The following LRRK2 variants were observed in gnomAD, a reference collection of about 807,000 sequenced individuals.
LRRK2 encodes leucine rich repeat kinase 2.
A neutral mutation model predicts 302.6 loss-of-function variants in LRRK2; 203 were observed. The ratio of observed to expected loss-of-function variants is 0.67; its 90% CI spans 0.60 to 0.75. The LOEUF (loss-of-function observed/expected upper bound fraction) is 0.75. Among genes scored for constraint, LRRK2 ranks in the 30% least tolerant of loss-of-function variants. The probability of loss-of-function intolerance (pLI) is 0.00; values close to 1 mark genes in which losing one functional copy is unlikely to be tolerated. For synonymous variants in LRRK2, 1,066 were observed against 1,031.9 expected, an observed-to-expected ratio of 1.03 and a Z score of -0.63; for missense variants, 2,830 against 2,951.0, an observed-to-expected ratio of 0.96 and a Z score of 0.95.
intron 2 of LRRK2, among the ~76,000 whole-genome samples, chr12:40,226,175 C>T (rs1940870069): frequency 6.6e-6 from 1 of 152,126 alleles, no homozygotes. Context: ...ATGAGACCCT[C>T]ATAGTTTGCA....
rs1565727098 is a variant in LRRK2 at position 40,298,830 on chromosome 12, T to TG, written c.3348-279_3348-278insG. ...TGTATTATAATATATAATACATATA[T>TG]TATATATATTTATTATATATAATAC... is the stretch of plus-strand genomic sequence containing the variant. On this transcript the variant is annotated intron_variant, in intron 24 of 50. Transcript: ENST00000298910. Among the ~76,000 whole-genome samples, 84 of 115,740 alleles carry TG rather than the reference T, an allele frequency of 7.3e-4. 2 individuals carry two copies. The highest frequency in any genetic ancestry group is 4.3e-3 in the Middle Eastern group (1 of 230). 75.9% of individuals were successfully genotyped at this position (115,740 alleles called of 152,430 possible). A position where few individuals can be genotyped will look rare whatever the true frequency, so the allele number is the denominator to read the frequency against.
intron 48 of LRRK2, among the ~76,000 whole-genome samples, chr12:40,364,188 A>T (rs1946803136): frequency 6.6e-6 from 1 of 152,012 alleles, no homozygotes; most frequent in African/African-American, 2.4e-5. Context: ...AGAACATTTT[A>T]GATTACACAC....
chr12:40,362,705 G>C (rs367973091), intron 47 of LRRK2, among the ~76,000 whole-genome samples: 1 of 152,088 alleles, frequency 6.6e-6, no homozygotes, highest in South Asian at 2.1e-4. Flanking sequence ...CCAAGTAGGA[G>C]TTTGCCATGC....
chr12:40,290,159 C>T (rs966579211), intron 20 of LRRK2, among the ~76,000 whole-genome samples: 2 of 151,948 alleles, frequency 1.3e-5, no homozygotes, highest in African/African-American at 4.8e-5. Context: ...GAAAAATGCT[C>T]TTCAGCATCT....
At chr12:40,285,602 TC>T (rs1943891160) in intron 19 of LRRK2, among the ~76,000 whole-genome samples, 1 of 152,018 alleles carries the variant, frequency 6.6e-6, no homozygotes, top group Non-Finnish European at 1.5e-5. Flanking sequence ...ACAGACATTC[TC>T]AATGTGCACA....
In LRRK2 at chr12:40,277,966, G is replaced by A; in HGVS notation, c.2020G>A (p.Val674Ile). 6.2e-7 allele frequency: 1 copy of A among 1,613,236 alleles called. No homozygotes were observed. Among genetic ancestry groups the A allele is most frequent in the Non-Finnish European group, 8.5e-7 (1 of 1,179,804 alleles). Residue 674 changes from valine (V) to isoleucine (I), a missense_variant, in exon 17 of 51, where the codon GTA becomes ATA. Physicochemically the swap from Val to Ile is conservative, Grantham distance 29. Coordinates refer to ENST00000298910, the MANE Select transcript of LRRK2 (RefSeq NM_198578.4). ...KLLVHHSFDL[V>I]IFHQMSSNIM... Reference sequence around the variant, plus strand: ...GCTGGTGCATCATTCATTTGACTTAGTAATATTCCATCAAATGTCTTCCAA... The same window carrying A: ...GCTGGTGCATCATTCATTTGACTTAATAATATTCCATCAAATGTCTTCCAA...
intron 30 of LRRK2, among the ~76,000 whole-genome samples, chr12:40,310,212 T>C (rs1185744405): frequency 6.6e-6 from 1 of 151,990 alleles, no homozygotes; most frequent in East Asian, 1.9e-4. Flanking sequence ...GGTGAAGAAT[T>C]GGGTTAAGAA....
At chr12:40,263,636 C>A (rs958841438) in intron 13 of LRRK2, among the ~76,000 whole-genome samples, 153 bp from the exon 14 acceptor site, 1 of 151,992 alleles carries the variant, frequency 6.6e-6, no homozygotes, top group East Asian at 1.9e-4. Flanking sequence ...CTTAAAATTT[C>A]TGGTTATTTA....
At chr12:40,274,503 T>G in intron 14 of LRRK2, 80 bp from the exon 15 acceptor site, 1 of 1,411,932 alleles carries the variant, frequency 7.1e-7, no homozygotes, top group Non-Finnish European at 9.9e-7. Context: ...TTGATTTATA[T>G]TTTGTCAGTC....
intron 11 of LRRK2, among the ~76,000 whole-genome samples, chr12:40,255,159 C>T (rs748611179): frequency 6.6e-6 from 1 of 152,044 alleles, no homozygotes; most frequent in African/African-American, 2.4e-5. Flanking sequence ...AAATCCCAGG[C>T]TCATGGAGTT....
At chr12:40,319,704 T>C (rs1307518742) in intron 33 of LRRK2, among the ~76,000 whole-genome samples, 1 of 152,098 alleles carries the variant, frequency 6.6e-6, no homozygotes, top group Admixed American at 6.6e-5. Context: ...GATCTTTCCA[T>C]TGTAGCTAGG....
chr12:40,238,158 T>A (rs2136422636), intron 5 of LRRK2, 55 bp downstream of exon 5: 3 of 1,534,680 alleles, frequency 2.0e-6, no homozygotes, highest in Middle Eastern at 1.8e-4. Flanking sequence ...AGGCTTATAC[T>A]GGGAAAAGTA....
In LRRK2 at chr12:40,363,425, A is replaced by T; in HGVS notation, c.7052A>T (p.Asp2351Val). 6.2e-7 allele frequency: 1 copy of T among 1,611,756 alleles called. No individual in the cohort carries two copies. The highest frequency in any genetic ancestry group is 8.5e-7 in the Non-Finnish European group (1 of 1,178,556). ...SQLFSYAAFSDSNIITVVVDT... is the reference protein window; with the variant it reads ...SQLFSYAAFSVSNIITVVVDT... The stretch of plus-strand genomic sequence containing the variant: ...AGGTTTTCTTATGCAGCTTTCAGTG[A>T]TTCCAACATCATAACAGTGGTGGTA... Residue 2351 changes from aspartate to valine, a missense_variant, in exon 48 of 51, where the codon GAT becomes GTT. Physicochemically the swap from Asp to Val is radical, Grantham distance 152. Transcript: ENST00000298910.
intron 3 of LRRK2, 62 bp from the exon 4 acceptor site, chr12:40,235,564 A>G: frequency 8.7e-7 from 1 of 1,155,232 alleles, no homozygotes; most frequent in Admixed American, 1.7e-5. Flanking sequence ...AAAAAAATGC[A>G]AATAAGCAAA....
rs200300610 is a variant in LRRK2, at chr12:40,356,115, C to A, written c.6771C>A (p.Ser2257Arg). ...CLYCNSFSKQ[S>R]KQKNFLLVGT... ...ACAATTTCAACATTTTTCCTTTTAG[C>A]AAACAAAAAAATTTTCTTTTGGTTG... Residue 2257 changes from serine (S) to arginine (R), a missense_variant and splice_region_variant, in exon 46 of 51, where the codon AGC becomes AGA. Ser to Arg is a moderately radical substitution (Grantham distance 110). Transcript: ENST00000298910. The A allele has an allele frequency of 1.7e-5, 27 of 1,607,950 alleles. No individual in the cohort carries two copies. Among genetic ancestry groups the A allele is most frequent in the Middle Eastern group, 1.7e-4 (1 of 6,032 alleles).
At chr12:40,366,456 A>C (rs1051131645) in intron 49 of LRRK2, 1 of 153,804 alleles carries the variant, frequency 6.5e-6, no homozygotes, top group South Asian at 2.0e-4. Context: ...ATAAACTCCA[A>C]GACGGTTGGG....
chr12:40,230,360 A>C (rs1941119400), intron 2 of LRRK2, among the ~76,000 whole-genome samples: 1 of 152,114 alleles, frequency 6.6e-6, no homozygotes, highest in South Asian at 2.1e-4. Flanking sequence ...TATTGGGTGC[A>C]TATAGATTTC....
intron 25 of LRRK2, chr12:40,300,719 G>C (rs1944591662): frequency 2.2e-6 from 1 of 459,224 alleles, no homozygotes; most frequent in Non-Finnish European, 4.5e-6. Context: ...CTGTCCTTAA[G>C]GAACTTGTGA....
At chr12:40,333,773 A>G (rs182240778) in intron 39 of LRRK2, among the ~76,000 whole-genome samples, 9 of 152,188 alleles carry the variant, frequency 5.9e-5, no homozygotes, top group Admixed American at 5.9e-4. Flanking sequence ...AATATTTGAG[A>G]TAAGATCTGA....
Sources: allele counts gnomAD v4.1 joint callset (sites outside exome capture counted in the v4.1 genomes callset), GRCh38; gene constraint gnomAD v4.1.1; transcripts MANE v1.5; gene names NCBI Gene and HGNC (gene_info 2026-07-23, HGNC 2026-07-21).